RNLS: variants seen among roughly 807,000 people sequenced by gnomAD.
The protein encoded by RNLS is renalase.
RNLS carries 39 observed loss-of-function variants against 39.8 expected under a neutral mutation model. The observed-to-expected ratio is 0.98, with a 90% CI of 0.76 to 1.28. The LOEUF (loss-of-function observed/expected upper bound fraction) is 1.28, where lower values mean the gene tolerates loss of function less well. Ranked by LOEUF, RNLS falls within the 50% of genes most tolerant of loss-of-function variation. The pLI, the probability that RNLS is intolerant of heterozygous loss-of-function variation, is 0.00. For synonymous variants in RNLS, 147 were observed against 150.7 expected (o/e 0.98, Z 0.18); for missense variants, 410 against 413.3 (o/e 0.99, Z 0.07).
the RNLS span, among the ~76,000 whole-genome samples, chr10:88,208,259 A>G: frequency 6.6e-6 from 1 of 152,018 alleles, no homozygotes; most frequent in South Asian, 2.1e-4. Context: ...TTTTTAAGAG[A>G]TGGTTTTATA....
chr10:88,358,901 C>G (rs1849406691), intron 5 of RNLS, among the ~76,000 whole-genome samples: 1 of 152,212 alleles, frequency 6.6e-6, no homozygotes, highest in Non-Finnish European at 1.5e-5. Flanking sequence ...TGTTGCTTCT[C>G]TACCTTGACA....
At chr10:88,524,820 T>C (rs1846980265) in intron 4 of RNLS, among the ~76,000 whole-genome samples, 1 of 151,244 alleles carries the variant, frequency 6.6e-6, no homozygotes, top group East Asian at 1.9e-4. Context: ...AACCTTTCCG[T>C]ATTCTTCAAG....
intron 4 of RNLS, among the ~76,000 whole-genome samples, chr10:88,435,061 A>C (rs751603017): frequency 8.5e-5 from 13 of 152,098 alleles, no homozygotes; most frequent in African/African-American, 1.2e-4. Context: ...AGAGCAGTTA[A>C]AAATGTGCTG....
intron 4 of RNLS, among the ~76,000 whole-genome samples, chr10:88,406,451 T>G (rs1490110825): frequency 6.6e-6 from 1 of 152,094 alleles, no homozygotes; most frequent in South Asian, 2.1e-4. Context: ...TTTCTTGGAT[T>G]GGGATAATTC....
At chr10:88,473,425 AACAC>A (rs112846794) in intron 4 of RNLS, among the ~76,000 whole-genome samples, 1 of 150,478 alleles carries the variant, frequency 6.6e-6, no homozygotes, top group Admixed American at 6.6e-5. Flanking sequence ...TGGGTAGTAA[AACAC>A]ACACACACAC....
chr10:88,300,034 A>G (rs564710883), intron 6 of RNLS, among the ~76,000 whole-genome samples: 93 of 152,240 alleles, frequency 6.1e-4, no homozygotes, highest in Non-Finnish European at 1.1e-3. Context: ...GGAGAAAGCC[A>G]GAACTCAAAA....
downstream of RNLS, among the ~76,000 whole-genome samples, chr10:88,279,657 G>A (rs150716692): frequency 2.8e-4 from 42 of 152,152 alleles, no homozygotes; most frequent in African/African-American, 8.9e-4. Context: ...ACAGTGTTTC[G>A]GAGATTCACT....
At chr10:88,254,055 G>C in the RNLS span, among the ~76,000 whole-genome samples, 6 of 152,114 alleles carry the variant, frequency 3.9e-5, no homozygotes, top group African/African-American at 1.4e-4. Flanking sequence ...TAATATATAT[G>C]CAATATGTGG....
At chr10:88,421,315 C>T (rs1854395561) in intron 4 of RNLS, among the ~76,000 whole-genome samples, 1 of 152,178 alleles carries the variant, frequency 6.6e-6, no homozygotes, top group South Asian at 2.1e-4. Context: ...TAAAAAGAAG[C>T]TTCTCTTTAT....
chr10:88,429,218 C>T (rs1168048707), intron 4 of RNLS, among the ~76,000 whole-genome samples: 3 of 151,852 alleles, frequency 2.0e-5, no homozygotes, highest in African/African-American at 7.2e-5. Context: ...AGTAATTAAA[C>T]CTATCTGAGA....
intron 4 of RNLS, among the ~76,000 whole-genome samples, chr10:88,471,417 G>C (rs983174043): frequency 6.6e-6 from 1 of 152,110 alleles, no homozygotes; most frequent in Non-Finnish European, 1.5e-5. Flanking sequence ...TTTTCAGAGA[G>C]GCCTTTTCCA....
intron 6 of RNLS, among the ~76,000 whole-genome samples, chr10:88,305,463 T>C (rs1844850114): frequency 1.3e-5 from 2 of 152,198 alleles, no homozygotes; most frequent in Admixed American, 6.5e-5. Context: ...TCACATGCAA[T>C]GATGCATATA....
intron 4 of RNLS, among the ~76,000 whole-genome samples, chr10:88,415,061 GAC>G (rs1468462101): frequency 6.6e-6 from 1 of 152,174 alleles, no homozygotes; most frequent in African/African-American, 2.4e-5. Context: ...GCTCTTAGCA[GAC>G]AATGCTCCTG....
intron 4 of RNLS, among the ~76,000 whole-genome samples, chr10:88,537,055 A>G (rs527999123): frequency 1.3e-5 from 2 of 152,324 alleles, no homozygotes; most frequent in African/African-American, 4.8e-5. Flanking sequence ...GTGGAAAATA[A>G]TGGATGTTTA....
intron 4 of RNLS, among the ~76,000 whole-genome samples, chr10:88,467,548 A>G (rs1344121052): frequency 6.6e-6 from 1 of 152,112 alleles, no homozygotes; most frequent in Non-Finnish European, 1.5e-5. Flanking sequence ...TGCCTCATCA[A>G]TGACTACAGA....
chr10:88,523,267 T>C (rs1846872024), intron 4 of RNLS, among the ~76,000 whole-genome samples: 1 of 152,134 alleles, frequency 6.6e-6, no homozygotes, highest in South Asian at 2.1e-4. Context: ...TGGTTAGCTA[T>C]AAGTCTGCTT....
intron 4 of RNLS, among the ~76,000 whole-genome samples, chr10:88,572,191 T>A (rs2134443381): frequency 6.6e-6 from 1 of 152,332 alleles, no homozygotes; most frequent in Middle Eastern, 3.4e-3. Flanking sequence ...AATTGGCTAT[T>A]TGTAGTTTAG....
chr10:88,430,516 T>C (rs927876906), intron 4 of RNLS, among the ~76,000 whole-genome samples: 1 of 151,790 alleles, frequency 6.6e-6, no homozygotes, highest in African/African-American at 2.4e-5. Flanking sequence ...CTAACCCCCC[T>C]AGTTAAATGT....
chr10:88,194,298 T>C, the RNLS span, among the ~76,000 whole-genome samples: 1 of 152,182 alleles, frequency 6.6e-6, no homozygotes, highest in South Asian at 2.1e-4. Flanking sequence ...CTGTCCCCCC[T>C]CATGCTGAGA....
Sources: gnomAD v4.1 joint callset for allele counts (sites outside exome capture counted in the v4.1 genomes callset) on GRCh38, gnomAD v4.1.1 for gene constraint, MANE v1.5 for transcripts, NCBI Gene and HGNC (gene_info 2026-07-23, HGNC 2026-07-21) for gene names.